Variants in MCHR2 observed in about 807,000 individuals in gnomAD.
MCHR2 encodes melanin-concentrating hormone receptor 2.
In MCHR2, 15 loss-of-function variants were observed where a neutral mutation model predicts 24.8. The observed-to-expected ratio is 0.60, with a 90% CI of 0.40 to 0.93. The LOEUF (loss-of-function observed/expected upper bound fraction) is 0.93. Ranked by LOEUF, MCHR2 falls within the 40% of genes least tolerant of loss-of-function variation. The pLI is 0.00. For missense variants in MCHR2, 386 were observed against 408.7 expected (o/e 0.94, Z 0.48); for synonymous variants, 151 against 147.6 (o/e 1.02, Z -0.17).
intron 1 of MCHR2, among the ~76,000 whole-genome samples, chr6:99,977,041 T>C (rs1211714663): frequency 6.6e-6 from 1 of 152,204 alleles, no homozygotes; most frequent in Non-Finnish European, 1.5e-5. Flanking sequence ...AAAGTTATAT[T>C]TTAGTGATTT....
In MCHR2 at chr6:99,948,120, T is replaced by C. The variant is rs537912126; in HGVS notation, c.183-149A>G. 1,802 of 655,250 alleles carry C rather than the reference T, an allele frequency of 2.8e-3. 7 individuals carry two copies. Among genetic ancestry groups the C allele is most frequent in the Middle Eastern group, 7.5e-3 (18 of 2,400 alleles). The allele number at this position is 655,250 out of a possible 1,614,324, so 40.6% of individuals were successfully genotyped here. On this transcript the variant is annotated intron_variant, in intron 2 of 5. Transcript: ENST00000281806. ...GATGCATAGAGGAAATGCCTAGTCT[T>C]GTGTGTATTTAAGCATTTTGAACTA...
intron 4 of MCHR2, among the ~76,000 whole-genome samples, chr6:99,936,515 T>A (rs1001239478): frequency 3.3e-5 from 5 of 151,998 alleles, no homozygotes; most frequent in African/African-American, 9.7e-5. Flanking sequence ...ATGTGTGGAT[T>A]TATATCGGGC....
At chr6:99,926,533 GGT>G (rs1394862350) in intron 5 of MCHR2, among the ~76,000 whole-genome samples, 2 of 152,148 alleles carry the variant, frequency 1.3e-5, no homozygotes, top group Non-Finnish European at 2.9e-5. Context: ...CATTCTAACT[GGT>G]GTGAGATGGT....
intron 5 of MCHR2, among the ~76,000 whole-genome samples, chr6:99,928,426 T>G (rs1448048837): frequency 6.6e-6 from 1 of 152,118 alleles, no homozygotes; most frequent in Non-Finnish European, 1.5e-5. Flanking sequence ...CAGTTCCTCC[T>G]TGTACCTCTG....
chr6:99,948,352 C>T (rs1436293803), intron 2 of MCHR2, among the ~76,000 whole-genome samples: 4 of 152,012 alleles, frequency 2.6e-5, no homozygotes, highest in Non-Finnish European at 5.9e-5. Flanking sequence ...TGTTGGATTG[C>T]TTTCCCTGGT....
At chr6:99,951,954 G>A (rs769934954) in intron 2 of MCHR2, among the ~76,000 whole-genome samples, 13 of 152,020 alleles carry the variant, frequency 8.6e-5, no homozygotes, top group Non-Finnish European at 1.8e-4. Context: ...TGGAGGATAG[G>A]GCACCTTTTA....
Position 99,943,165 on chromosome 6 carries a change from G to A in MCHR2, c.393-22C>T. The stretch of plus-strand genomic sequence containing the variant: ...GTACCTGCAAAGGCAGTCAGGAAGA[G>A]TTTTGGAACAATCAATAAAAGCACT... On this transcript the variant is annotated intron_variant, in intron 3 of 5. Transcript: ENST00000281806. 3 of 1,580,534 alleles carry A rather than the reference G, an allele frequency of 1.9e-6. No individual in the cohort carries two copies. In the South Asian group the frequency reaches 3.5e-5, roughly 18 times the overall value.
intron 5 of MCHR2, among the ~76,000 whole-genome samples, chr6:99,930,626 G>A (rs1048289560): frequency 7.2e-5 from 11 of 151,842 alleles, no homozygotes; most frequent in East Asian, 5.8e-4. Flanking sequence ...CCAATCGATC[G>A]CCATCAGCTC....
chr6:99,926,925 G>C (rs1242775970), intron 5 of MCHR2, among the ~76,000 whole-genome samples: 1 of 152,204 alleles, frequency 6.6e-6, no homozygotes, highest in Non-Finnish European at 1.5e-5. Flanking sequence ...CCTATGTCCT[G>C]AATGGTAATG....
chr6:99,931,227 G>A (rs1411305708), intron 5 of MCHR2, among the ~76,000 whole-genome samples: 3 of 152,188 alleles, frequency 2.0e-5, no homozygotes, highest in African/African-American at 7.2e-5. Flanking sequence ...CTGGCCATGT[G>A]AGGTGTCAGT....
At chr6:99,971,108 G>A (rs1413434075) in intron 1 of MCHR2, among the ~76,000 whole-genome samples, 1 of 152,122 alleles carries the variant, frequency 6.6e-6, no homozygotes, top group African/African-American at 2.4e-5. Flanking sequence ...GAAAGTCATT[G>A]GTAGCTTGAT....
chr6:99,956,182 GT>G lies in MCHR2; in HGVS notation c.-27-9del. The G allele has an allele frequency of 1.3e-6, 2 of 1,529,638 alleles. No individual in the cohort carries two copies. The highest frequency in any genetic ancestry group is 1.8e-6 in the Non-Finnish European group (2 of 1,123,984). 94.8% of individuals were successfully genotyped at this position (1,529,638 alleles called of 1,614,324 possible). A position where few individuals can be genotyped will look rare whatever the true frequency, so the allele number is the denominator to read the frequency against. On this transcript the variant is annotated splice_polypyrimidine_tract_variant and intron_variant, in intron 1 of 5. Transcript: ENST00000281806. ...ACTTTCCAGGGATTAAAGCTGTGAA[GT>G]AATAGGAAGTGATTTATTTAGTGAA... is the stretch of plus-strand genomic sequence containing the variant.
chr6:99,975,985 T>G (rs1443421627), intron 1 of MCHR2, among the ~76,000 whole-genome samples: 1 of 152,110 alleles, frequency 6.6e-6, no homozygotes, highest in Non-Finnish European at 1.5e-5. Flanking sequence ...AGTTTGAGGG[T>G]GGGTATGCAG....
intron 2 of MCHR2, among the ~76,000 whole-genome samples, chr6:99,952,403 G>A (rs1774981813): frequency 6.6e-6 from 1 of 152,108 alleles, no homozygotes; most frequent in Non-Finnish European, 1.5e-5. Flanking sequence ...ATTTGGCAAA[G>A]TCAGAAATTA....
chr6:99,923,110 T>C (rs1158033811), intron 5 of MCHR2, among the ~76,000 whole-genome samples: 1 of 152,154 alleles, frequency 6.6e-6, no homozygotes, highest in Non-Finnish European at 1.5e-5. Context: ...CTTTCACTTC[T>C]TTGTTAAGTT....
intron 1 of MCHR2, among the ~76,000 whole-genome samples, chr6:99,968,673 C>A (rs1035190331): frequency 1.3e-5 from 2 of 152,062 alleles, no homozygotes; most frequent in African/African-American, 4.8e-5. Flanking sequence ...CCAACAACAG[C>A]AGACTTAACA....
In MCHR2 at chr6:99,947,932, G is replaced by A; in HGVS notation, c.222C>T (p.Asn74=). The A allele has an allele frequency of 6.2e-7, 1 of 1,613,716 alleles. No individual in the cohort carries two copies. Among genetic ancestry groups the A allele is most frequent in the Non-Finnish European group, 8.5e-7 (1 of 1,179,760 alleles). The change falls in exon 3 of 6, where the codon AAC becomes AAT. Residue 74 remains asparagine, a synonymous_variant. Coordinates refer to ENST00000281806, the MANE Select transcript of MCHR2 (RefSeq NM_001040179.2). ...TGTGGACCAAATCAGCCACAGCCAGGTTGCAGATATAGATGTCAGGGACTG... is the reference window on the plus strand; with the variant it reads ...TGTGGACCAAATCAGCCACAGCCAGATTGCAGATATAGATGTCAGGGACTG... ...KKTVPDIYIC[N]LAVADLVHIV...
At chr6:99,984,869 A>G (rs535577350) in intron 1 of MCHR2, among the ~76,000 whole-genome samples, 106 of 152,226 alleles carry the variant, frequency 7.0e-4, no homozygotes, top group Non-Finnish European at 1.1e-3. Context: ...ATTCAATCAG[A>G]AAAAAGTAAG....
intron 1 of MCHR2, among the ~76,000 whole-genome samples, chr6:99,987,341 A>G (rs1199222671): frequency 6.6e-6 from 1 of 152,222 alleles, no homozygotes; most frequent in Non-Finnish European, 1.5e-5. Flanking sequence ...ACACGAGGCC[A>G]TAAGTGAATT....
Sources: allele counts gnomAD v4.1 joint callset (sites outside exome capture counted in the v4.1 genomes callset), GRCh38; gene constraint gnomAD v4.1.1; transcripts MANE v1.5; gene names NCBI Gene and HGNC (gene_info 2026-07-23, HGNC 2026-07-21).